Variants in CADM1 observed in about 807,000 individuals in gnomAD.
The protein encoded by CADM1 is cell adhesion molecule 1, also known as TSLC-1.
Under a neutral mutation model 53.1 loss-of-function variants are expected in CADM1, and 15 were observed. That is an observed-to-expected ratio of 0.28 (90% CI 0.19 to 0.44). The LOEUF (loss-of-function observed/expected upper bound fraction) is 0.44, where lower values mean the gene tolerates loss of function less well. Among genes scored for constraint, CADM1 ranks in the 20% least tolerant of loss-of-function variants. The pLI is 1.00. For missense variants in CADM1, 434 were observed against 611.3 expected (o/e 0.71, Z 3.06); for synonymous variants, 281 against 243.0 (o/e 1.16, Z -1.45).
At chr11:115,404,772 C>T (rs147559396) in intron 1 of CADM1, among the ~76,000 whole-genome samples, 1 of 147,224 alleles carries the variant, frequency 6.8e-6, no homozygotes, top group East Asian at 2.1e-4. Flanking sequence ...TTGCGGGGAT[C>T]ACTTGAGCCC....
chr11:115,286,830 C>A (rs77627967), intron 1 of CADM1, among the ~76,000 whole-genome samples: 1 of 152,078 alleles, frequency 6.6e-6, no homozygotes, highest in African/African-American at 2.4e-5. Flanking sequence ...GGGAGGTTGC[C>A]GCACCTCCTG....
intron 8 of CADM1, among the ~76,000 whole-genome samples, chr11:115,200,811 A>G (rs866103930): frequency 6.6e-6 from 1 of 152,310 alleles, no homozygotes; most frequent in East Asian, 1.9e-4. Flanking sequence ...TATTTTCACC[A>G]GGTAAATACT....
intron 1 of CADM1, among the ~76,000 whole-genome samples, chr11:115,501,683 G>T (rs961977600): frequency 6.6e-6 from 1 of 152,178 alleles, no homozygotes; most frequent in East Asian, 1.9e-4. Flanking sequence ...ACCCACGCAC[G>T]ATGGTCCTAA....
At chr11:115,250,198 C>G (rs1441698848) in intron 1 of CADM1, among the ~76,000 whole-genome samples, 1 of 152,188 alleles carries the variant, frequency 6.6e-6, no homozygotes, top group Admixed American at 6.5e-5. Flanking sequence ...CCACTGTGCC[C>G]ACCCTTACCA....
At chr11:115,336,275 C>A (rs988410439) in intron 1 of CADM1, among the ~76,000 whole-genome samples, 2 of 152,068 alleles carry the variant, frequency 1.3e-5, no homozygotes, top group Admixed American at 1.3e-4. Flanking sequence ...ACCATCAGAG[C>A]AAATGTCAAC....
intron 1 of CADM1, among the ~76,000 whole-genome samples, chr11:115,399,930 C>T (rs1346859657): frequency 6.6e-6 from 1 of 152,180 alleles, no homozygotes; most frequent in East Asian, 1.9e-4. Context: ...GAATCTTACA[C>T]ATGCTGCATA....
intron 7 of CADM1, among the ~76,000 whole-genome samples, chr11:115,211,115 A>G (rs1476469173): frequency 6.6e-6 from 1 of 152,184 alleles, no homozygotes; most frequent in Non-Finnish European, 1.5e-5. Context: ...TTTAAAAGAA[A>G]GGCAGAATGA....
At chr11:115,403,514 T>C (rs992588313) in intron 1 of CADM1, among the ~76,000 whole-genome samples, 2 of 152,222 alleles carry the variant, frequency 1.3e-5, no homozygotes, top group African/African-American at 4.8e-5. Flanking sequence ...AGAATCTAGA[T>C]GAAACGTCTA....
At chr11:115,373,583 CAAAAAAAAAA>C (rs35059216) in intron 1 of CADM1, among the ~76,000 whole-genome samples, 1 of 48,830 alleles carries the variant, frequency 2.0e-5, no homozygotes, top group Non-Finnish European at 3.6e-5. Flanking sequence ...GACTCTGTCT[CAAAAAAAAAA>C]AAAAAAAAAA....
At chr11:115,371,429 A>C (rs1946303986) in intron 1 of CADM1, among the ~76,000 whole-genome samples, 1 of 152,180 alleles carries the variant, frequency 6.6e-6, no homozygotes, top group Non-Finnish European at 1.5e-5. Context: ...ACAAAGAATT[A>C]CAGCTAATAA....
At chr11:115,473,265 C>T (rs892688692) in intron 1 of CADM1, among the ~76,000 whole-genome samples, 8 of 152,116 alleles carry the variant, frequency 5.3e-5, no homozygotes, top group African/African-American at 1.7e-4. Context: ...TTGACACCAG[C>T]CTGGGGAACA....
chr11:115,186,857 G>A (rs993064995), intron 10 of CADM1, among the ~76,000 whole-genome samples: 3 of 152,088 alleles, frequency 2.0e-5, no homozygotes, highest in Non-Finnish European at 2.9e-5. Context: ...AGATTAACTC[G>A]TGTTTTGGGT....
rs1947255095 is a variant in CADM1 at position 115,404,349 on chromosome 11, ATATATATATATAT to A, written c.124+99909_124+99921del. On this transcript the variant is annotated intron_variant, in intron 1 of 11. Transcript: ENST00000331581. ...TCGGAAAAAAAAAAAAAAAAAAAATATATATATATATATATATATATATATATATATATATATA... is the reference window on the plus strand; with the variant it reads ...TCGGAAAAAAAAAAAAAAAAAAAATAATATATATATATATATATATATATA... Among the ~76,000 whole-genome samples the A allele has an allele frequency of 1.8e-3, 41 of 23,222 alleles. 1 individual carries two copies. The highest frequency in any genetic ancestry group is 3.2e-3 in the Admixed American group (5 of 1,570). 15.2% of individuals were successfully genotyped at this position (23,222 alleles called of 152,430 possible).
intron 1 of CADM1, among the ~76,000 whole-genome samples, chr11:115,349,874 T>C (rs186945896): frequency 1.1e-3 from 164 of 152,044 alleles, no homozygotes; most frequent in Non-Finnish European, 1.8e-3. Flanking sequence ...GTCGGGGAGG[T>C]AGTTCACAAT....
chr11:115,340,655 T>TAC (rs1565375230), intron 1 of CADM1, among the ~76,000 whole-genome samples: 1 of 37,506 alleles, frequency 2.7e-5, no homozygotes, highest in East Asian at 5.6e-4. Context: ...TATATATATA[T>TAC]ATATTTTTTT....
intron 1 of CADM1, among the ~76,000 whole-genome samples, chr11:115,413,603 A>G (rs1441820358): frequency 2.0e-5 from 3 of 149,646 alleles, no homozygotes; most frequent in Non-Finnish European, 4.5e-5. Context: ...TAAAGGGTGA[A>G]GACAGGACAA....
At chr11:115,233,459 G>C (rs141998713) in intron 3 of CADM1, among the ~76,000 whole-genome samples, 45 of 152,220 alleles carry the variant, frequency 3.0e-4, no homozygotes, top group African/African-American at 1.0e-3. Context: ...CAGTCACGTA[G>C]GTTATAGATT....
Position 115,171,597 on chromosome 11 carries a change from G to A in CADM1, c.*4877C>T, listed in dbSNP as rs530244231. The A allele has an allele frequency of 2.0e-5, 3 of 152,286 alleles. No homozygotes were observed. Among genetic ancestry groups the A allele is most frequent in the Admixed American group, 6.5e-5 (1 of 15,304 alleles). 9.4% of individuals were successfully genotyped at this position (152,286 alleles called of 1,614,324 possible). Reference sequence around the variant, plus strand: ...GGCAACTTATCAAGATCCTTTGAGCGGGGACGGCTTCTAGCACCTTCTCAT... The same window carrying A: ...GGCAACTTATCAAGATCCTTTGAGCAGGGACGGCTTCTAGCACCTTCTCAT... On this transcript the variant is annotated 3_prime_UTR_variant, in exon 12 of 12. Coordinates refer to ENST00000331581, the MANE Select transcript of CADM1 (RefSeq NM_001301043.2).
chr11:115,231,980 C>A (rs1380812962), intron 3 of CADM1, among the ~76,000 whole-genome samples: 1 of 144,520 alleles, frequency 6.9e-6, no homozygotes, highest in African/African-American at 2.6e-5. Context: ...GAGCGAAACT[C>A]CGTCTCAATA....
Sources: allele counts gnomAD v4.1 joint callset (sites outside exome capture counted in the v4.1 genomes callset), GRCh38; gene constraint gnomAD v4.1.1; transcripts MANE v1.5; gene names NCBI Gene and HGNC (gene_info 2026-07-23, HGNC 2026-07-21).